The following CLSTN1 variants were observed in gnomAD, a reference collection of about 807,000 sequenced individuals.
CLSTN1 encodes the protein calsyntenin-1.
In CLSTN1, 28 loss-of-function variants were observed where a neutral mutation model predicts 108.3. The observed-to-expected ratio is 0.26, with a 90% confidence interval of 0.19 to 0.35. CLSTN1 has a LOEUF of 0.35. Ranked by LOEUF, CLSTN1 falls within the 10% of genes least tolerant of loss-of-function variation. The pLI is 1.00. For missense variants in CLSTN1, 1,157 were observed against 1,302.6 expected, an observed-to-expected ratio of 0.89 and a Z score of 1.72; for synonymous variants, 524 against 534.9, an observed-to-expected ratio of 0.98 and a Z score of 0.28.
At chr1:9,790,951 G>C (rs995629479) in intron 1 of CLSTN1, among the ~76,000 whole-genome samples, 2 of 151,180 alleles carry the variant, frequency 1.3e-5, no homozygotes, top group African/African-American at 4.8e-5. Flanking sequence ...GGCTAACAAG[G>C]TGAAACCCCG....
At chr1:9,749,673 G>A (rs768263504) in intron 6 of CLSTN1, 27 bp from the exon 7 acceptor site, 4 of 1,611,764 alleles carry the variant, frequency 2.5e-6, no homozygotes, top group Non-Finnish European at 2.5e-6. Flanking sequence ...GTCAGCAGGG[G>A]AAGAGAGAAG....
Position 9,795,034 on chromosome 1 carries a change from G to A in CLSTN1, c.92-21640C>T, listed in dbSNP as rs200756356. ...GAAGGCTAATCAGAAAAAAAAAAAA[G>A]AAAAAAAATCAAGATTCTGTCTTTG... On this transcript the variant is annotated intron_variant, in intron 1 of 18. Coordinates refer to ENST00000377298, the MANE Select transcript of CLSTN1 (RefSeq NM_001009566.3). 4.5e-3 allele frequency among the ~76,000 whole-genome samples: 653 copies of A among 145,876 alleles called. 43 individuals are homozygous for A. In the East Asian group the frequency reaches 0.049, roughly 11 times the overall value.
chr1:9,761,804 C>T (rs145086798), intron 2 of CLSTN1, among the ~76,000 whole-genome samples: 4 of 152,276 alleles, frequency 2.6e-5, no homozygotes, highest in African/African-American at 4.8e-5. Context: ...TTGCTCCTTA[C>T]GTATAACAGC....
At position 9,823,902 on chromosome 1, in the gene CLSTN1, A is replaced by G. The variant is rs145817822; in HGVS notation, c.-169T>C. On this transcript the variant is annotated 5_prime_UTR_variant, in exon 1 of 19. Transcript: ENST00000377298. The surrounding 1 kb of genome is among the most constrained non-coding windows in gnomAD (Gnocchi z 6.3). Reference sequence around the variant, plus strand: ...CGCCGTGACGCTGGGCCGCGCGCTCAGGACGCGGCGCCCTCCCCGCCTCAG... The same window carrying G: ...CGCCGTGACGCTGGGCCGCGCGCTCGGGACGCGGCGCCCTCCCCGCCTCAG... The G allele has an allele frequency of 0.17, 29,753 of 178,172 alleles. 3,906 individuals carry two copies. The highest frequency in any genetic ancestry group is 0.36 in the African/African-American group (15,128 of 41,538). The allele number at this position is 178,172 out of a possible 1,614,324, so 11.0% of individuals were successfully genotyped here. A position where few individuals can be genotyped will look rare whatever the true frequency, so the allele number is the denominator to read the frequency against.
intron 16 of CLSTN1, 51 bp downstream of exon 16, chr1:9,733,350 C>A (rs1650506874): frequency 6.2e-7 from 1 of 1,606,752 alleles, no homozygotes; most frequent in East Asian, 2.2e-5. Context: ...CAAATCAGCG[C>A]CCTCACTCAC....
At chr1:9,796,909 C>T (rs771905893) in intron 1 of CLSTN1, among the ~76,000 whole-genome samples, 2 of 152,162 alleles carry the variant, frequency 1.3e-5, no homozygotes, top group East Asian at 1.9e-4. Flanking sequence ...AACTGCTTGA[C>T]GGAGCAGAGT....
In CLSTN1 at chr1:9,741,256, C is replaced by A; in HGVS notation, c.1357G>T (p.Val453Phe). The A allele has an allele frequency of 6.2e-7, 1 of 1,602,880 alleles. No homozygotes were observed. Among genetic ancestry groups the A allele is most frequent in the Non-Finnish European group, 8.5e-7 (1 of 1,170,578 alleles). The change falls in exon 10 of 19, where the codon GTC becomes TTC. Residue 453 changes from valine (V) to phenylalanine (F), a missense_variant and splice_region_variant. Coordinates refer to ENST00000377298, the MANE Select transcript of CLSTN1 (RefSeq NM_001009566.3). The part of the protein sequence containing the change: ...PAEFHWKLNQ[V>F]CDEEWHHYVL... ...TAGTGGTGCCATTCCTCATCACAGA[C>A]CTACAGAGGCAAAGGGAAGCGGGGA...
At chr1:9,805,842 G>T (rs975172033) in intron 1 of CLSTN1, among the ~76,000 whole-genome samples, 2 of 148,470 alleles carry the variant, frequency 1.3e-5, no homozygotes, top group Non-Finnish European at 3.0e-5. Flanking sequence ...ACTCCAGCCT[G>T]GGTTACAGAG....
intron 1 of CLSTN1, among the ~76,000 whole-genome samples, chr1:9,786,282 A>C (rs1197179054): frequency 1.3e-5 from 2 of 152,140 alleles, no homozygotes; most frequent in African/African-American, 4.8e-5. Context: ...CTTTCCCTGC[A>C]TTTATTCACT....
intron 1 of CLSTN1, among the ~76,000 whole-genome samples, chr1:9,807,703 C>T (rs1233381178): frequency 1.3e-5 from 2 of 152,224 alleles, no homozygotes; most frequent in Non-Finnish European, 2.9e-5. Flanking sequence ...GCCCACCGCC[C>T]CCGGTTGTGG....
intron 10 of CLSTN1, 60 bp from the exon 11 acceptor site, chr1:9,737,614 G>T: frequency 6.7e-7 from 1 of 1,498,342 alleles, no homozygotes; most frequent in Non-Finnish European, 9.3e-7. Context: ...TCTTCAAACC[G>T]GACCTTGAAA....
At chr1:9,739,100 G>A (rs1650842998) in intron 10 of CLSTN1, among the ~76,000 whole-genome samples, 1 of 152,210 alleles carries the variant, frequency 6.6e-6, no homozygotes, top group Non-Finnish European at 1.5e-5. Flanking sequence ...AACCTCTGGG[G>A]TAACCTGAGG....
chr1:9,801,823 T>C (rs1162241604), intron 1 of CLSTN1, among the ~76,000 whole-genome samples: 1 of 152,182 alleles, frequency 6.6e-6, no homozygotes, highest in Non-Finnish European at 1.5e-5. Context: ...CCCAAAGTGC[T>C]GGGATTACAG....
At chr1:9,741,026 C>G in intron 10 of CLSTN1, 68 bp downstream of exon 10, 1 of 1,530,474 alleles carries the variant, frequency 6.5e-7, no homozygotes, top group South Asian at 1.2e-5. Context: ...TCACAGCCTG[C>G]TGCCACCAAC....
chr1:9,761,290 C>T (rs540523603), intron 2 of CLSTN1, among the ~76,000 whole-genome samples: 2 of 152,130 alleles, frequency 1.3e-5, no homozygotes, highest in South Asian at 2.1e-4. Context: ...GTCAGGAGTT[C>T]GAGACCAGCC....
chr1:9,782,390 T>C (rs1386837503), intron 1 of CLSTN1, among the ~76,000 whole-genome samples: 12 of 152,206 alleles, frequency 7.9e-5, no homozygotes, highest in Admixed American at 7.9e-4. Flanking sequence ...ATTTGAGTCC[T>C]TGACTAATAA....
intron 2 of CLSTN1, among the ~76,000 whole-genome samples, chr1:9,758,017 G>A (rs1196395444): frequency 1.3e-5 from 2 of 150,628 alleles, no homozygotes; most frequent in Non-Finnish European, 3.0e-5. Context: ...GGGGGGGTGG[G>A]AACGGAGTTT....
chr1:9,754,503 G>A (rs1557699697), intron 4 of CLSTN1, among the ~76,000 whole-genome samples: 1 of 152,074 alleles, frequency 6.6e-6, no homozygotes, highest in Non-Finnish European at 1.5e-5. Flanking sequence ...AGGTTCCAAT[G>A]AGCCAAGATC....
intron 1 of CLSTN1, among the ~76,000 whole-genome samples, chr1:9,796,114 T>G (rs1441225797): frequency 1.3e-5 from 2 of 149,918 alleles, no homozygotes; most frequent in Non-Finnish European, 2.9e-5. Context: ...ACAGAAAAAT[T>G]AGCTGGGCGT....
Sources: allele counts gnomAD v4.1 joint callset (sites outside exome capture counted in the v4.1 genomes callset), GRCh38; gene constraint gnomAD v4.1.1; non-coding constraint Gnocchi (gnomAD v3.1); transcripts MANE v1.5; gene names NCBI Gene and HGNC (gene_info 2026-07-23, HGNC 2026-07-21).